PRELID2: variants seen among roughly 807,000 people sequenced by gnomAD.
The protein encoded by PRELID2 is PRELI domain-containing protein 2.
Under a neutral mutation model 28.4 loss-of-function variants are expected in PRELID2, and 25 were observed. That is an observed-to-expected ratio of 0.88 (90% CI 0.64 to 1.23). The LOEUF is 1.23. Ranked by LOEUF, PRELID2 falls within the 50% of genes most tolerant of loss-of-function variation. PRELID2 has a pLI of 0.00. For synonymous variants in PRELID2, 76 were observed against 71.6 expected, an observed-to-expected ratio of 1.06 and a Z score of -0.31; for missense variants, 201 against 214.4, an observed-to-expected ratio of 0.94 and a Z score of 0.39.
At chr5:145,268,884 T>A in the PRELID2 span, among the ~76,000 whole-genome samples, 1 of 152,112 alleles carries the variant, frequency 6.6e-6, no homozygotes, top group East Asian at 1.9e-4. Context: ...TATTTCTTTA[T>A]ATTGAAAATA....
Position 145,649,665 on chromosome 5 carries a change from T to A in PRELID2, n.70+115266A>T, listed in dbSNP as rs550189952. On this transcript the variant is annotated intron_variant and non_coding_transcript_variant, in intron 1 of 2. Transcript: ENST00000510259. ...TTCAGTTCACTAATTCACTTATCAG[T>A]TGCATCTAAGCTGTTTAAACTGTCC... Among the ~76,000 whole-genome samples, 11 of 152,328 alleles carry A rather than the reference T, an allele frequency of 7.2e-5. No individual in the cohort carries two copies. In the East Asian group the frequency reaches 1.9e-3, roughly 27 times the overall value.
At chr5:145,546,656 G>C (rs2126677250) in intron 1 of PRELID2, among the ~76,000 whole-genome samples, 1 of 152,276 alleles carries the variant, frequency 6.6e-6, no homozygotes, top group Middle Eastern at 3.4e-3. Context: ...CTCAGGTAGA[G>C]CAGAGATGGA....
intron 2 of PRELID2, 125 bp from the exon 3 acceptor site, chr5:145,820,143 C>G (rs1754675818): frequency 1.6e-6 from 1 of 606,898 alleles, no homozygotes; most frequent in Non-Finnish European, 2.9e-6. Flanking sequence ...TTTGAGACAC[C>G]CAGGCTGGAG....
At chr5:145,255,978 G>C in the PRELID2 span, among the ~76,000 whole-genome samples, 1 of 151,988 alleles carries the variant, frequency 6.6e-6, no homozygotes, top group South Asian at 2.1e-4. Context: ...CTTGGTAAGA[G>C]ACATTACATT....
chr5:145,509,879 A>G (rs1752445793), intron 1 of PRELID2, among the ~76,000 whole-genome samples: 1 of 152,178 alleles, frequency 6.6e-6, no homozygotes, highest in South Asian at 2.1e-4. Flanking sequence ...GATAATATCT[A>G]ACCCTTAGAG....
intron 1 of PRELID2, among the ~76,000 whole-genome samples, chr5:145,496,573 C>A (rs981411075): frequency 2.0e-5 from 3 of 152,160 alleles, no homozygotes; most frequent in African/African-American, 4.8e-5. Flanking sequence ...CTGGACTACA[C>A]CCAGCCAATG....
chr5:145,780,984 C>T (rs1751546123), intron 5 of PRELID2, among the ~76,000 whole-genome samples: 1 of 152,150 alleles, frequency 6.6e-6, no homozygotes, highest in African/African-American at 2.4e-5. Flanking sequence ...CTGAAAGTGA[C>T]AAAGAAATGT....
At chr5:145,435,711 A>G in the PRELID2 span, among the ~76,000 whole-genome samples, 7 of 152,288 alleles carry the variant, frequency 4.6e-5, no homozygotes, top group African/African-American at 1.7e-4. Flanking sequence ...GGGACTTTAT[A>G]ATATTTTTCC....
rs966895661 is a variant in PRELID2 at position 145,714,012 on chromosome 5, AC to A, written n.70+50918del. Among the ~76,000 whole-genome samples the A allele has an allele frequency of 2.0e-5, 3 of 152,186 alleles. No homozygotes were observed. The East Asian group carries it at 5.8e-4, about 29-fold the overall frequency. On this transcript the variant is annotated intron_variant and non_coding_transcript_variant, in intron 1 of 2. Transcript: ENST00000510259. ...AACTAAAAAAAAAAGTCTATAGCAG[AC>A]TAAGAACTGGCTAACTCTAGAGCCA... is the stretch of plus-strand genomic sequence containing the variant.
intron 1 of PRELID2, among the ~76,000 whole-genome samples, chr5:145,577,626 T>C (rs1317506266): frequency 1.3e-5 from 2 of 152,046 alleles, no homozygotes; most frequent in African/African-American, 2.4e-5. Flanking sequence ...AAAAAAGGAA[T>C]TTTTCAAGTC....
intron 1 of PRELID2, among the ~76,000 whole-genome samples, chr5:145,495,061 C>T (rs900963184): frequency 6.6e-6 from 1 of 152,188 alleles, no homozygotes; most frequent in Non-Finnish European, 1.5e-5. Flanking sequence ...GTGGTCTATG[C>T]TCACTGTCTC....
chr5:145,384,703 T>C, the PRELID2 span, among the ~76,000 whole-genome samples: 1 of 152,174 alleles, frequency 6.6e-6, no homozygotes, highest in Non-Finnish European at 1.5e-5. Flanking sequence ...CTTCTGGGCA[T>C]GCCTCTAGAA....
At chr5:145,250,538 A>G in the PRELID2 span, among the ~76,000 whole-genome samples, 1 of 152,156 alleles carries the variant, frequency 6.6e-6, no homozygotes, top group South Asian at 2.1e-4. Flanking sequence ...TATTGATGAA[A>G]AAGAACTTGA....
At chr5:145,253,763 GACAATCATGAA>G in the PRELID2 span, among the ~76,000 whole-genome samples, 3 of 151,256 alleles carry the variant, frequency 2.0e-5, no homozygotes, top group Non-Finnish European at 2.9e-5. Flanking sequence ...TTCCTCCAGA[GACAATCATGAA>G]ACATAAGCCA....
chr5:145,265,810 A>T, the PRELID2 span, among the ~76,000 whole-genome samples: 13,091 of 152,214 alleles, frequency 0.086, 1,185 homozygotes, highest in African/African-American at 0.23. Flanking sequence ...AAAAATCAAC[A>T]CAAGATAGAT....
chr5:145,647,341 G>A (rs577864710), intron 1 of PRELID2, among the ~76,000 whole-genome samples: 29 of 152,250 alleles, frequency 1.9e-4, no homozygotes, highest in African/African-American at 7.0e-4. Context: ...GCCTACTCAA[G>A]CCTCAGCAAT....
chr5:145,715,781 A>C (rs1755826370), intron 1 of PRELID2, among the ~76,000 whole-genome samples: 1 of 152,158 alleles, frequency 6.6e-6, no homozygotes, highest in Non-Finnish European at 1.5e-5. Flanking sequence ...TCTTCTTGTC[A>C]TTTAGGCCCA....
intron 1 of PRELID2, among the ~76,000 whole-genome samples, chr5:145,607,959 A>T (rs1004360439): frequency 6.6e-6 from 1 of 151,596 alleles, no homozygotes; most frequent in Non-Finnish European, 1.5e-5. Flanking sequence ...CAGAATAGTT[A>T]GGTCTTCTTG....
At chr5:145,257,151 T>C in the PRELID2 span, among the ~76,000 whole-genome samples, 1 of 151,932 alleles carries the variant, frequency 6.6e-6, no homozygotes, top group African/African-American at 2.4e-5. Context: ...GGCTATTGAC[T>C]CTTTAAGGAG....
Sources: allele counts gnomAD v4.1 joint callset (sites outside exome capture counted in the v4.1 genomes callset), GRCh38; gene constraint gnomAD v4.1.1; transcripts MANE v1.5; gene names NCBI Gene and HGNC (gene_info 2026-07-23, HGNC 2026-07-21).